Variants in PTBP3 observed in about 807,000 individuals in gnomAD.
The protein encoded by PTBP3 is polypyrimidine tract-binding protein 3.
A neutral mutation model predicts 58.7 loss-of-function variants in PTBP3; 20 were observed. The ratio of observed to expected loss-of-function variants is 0.34; its 90% CI spans 0.24 to 0.50. PTBP3 has a LOEUF of 0.50. Among genes scored for constraint, PTBP3 ranks in the 20% least tolerant of loss-of-function variants. PTBP3 has a pLI of 0.98. For synonymous variants in PTBP3, 185 were observed against 219.8 expected (o/e 0.84, Z 1.40); for missense variants, 509 against 637.2 (o/e 0.80, Z 2.17).
In PTBP3 at chr9:112,227,522, C is replaced by A; in HGVS notation, c.1253G>T (p.Gly418Val). ...ACTATTGCTGAAATCCTTAGTCAGACCTTGGTCTTCTTGTCCCTCTCGAGG... is the reference window on the plus strand; with the variant it reads ...ACTATTGCTGAAATCCTTAGTCAGAACTTGGTCTTCTTGTCCCTCTCGAGG... ...QLPREGQEDQ[G>V]LTKDFSNSPL... The change falls in exon 12 of 14, where the codon GGT becomes GTT. Residue 418 changes from glycine to valine, a missense_variant. By Grantham distance (109) the Gly-to-Val change is moderately radical (BLOSUM62 -3). Transcript: ENST00000374257. 1 of 1,613,928 alleles carries A rather than the reference C, an allele frequency of 6.2e-7. No homozygotes were observed. The highest frequency in any genetic ancestry group is 8.5e-7 in the Non-Finnish European group (1 of 1,179,920).
chr9:112,232,444 GCTCTATTATCCACACAGTA>G (rs1358582802), intron 8 of PTBP3, among the ~76,000 whole-genome samples: 1 of 152,120 alleles, frequency 6.6e-6, no homozygotes, highest in East Asian at 1.9e-4. Flanking sequence ...TATACTTAGT[GCTCTATTATCCACACAGTA>G]CTCTGCAGAG....
In PTBP3 at chr9:112,320,287, A is replaced by ATATAT. The variant is rs1222194244; in HGVS notation, c.-52+13182_-52+13183insATATA. Among the ~76,000 whole-genome samples the ATATAT allele has an allele frequency of 1.8e-4, 7 of 39,526 alleles. No individual in the cohort carries two copies. The African/African-American group carries it at 1.9e-3, about 11-fold the overall frequency. The allele number at this position is 39,526 out of a possible 152,430, so 25.9% of individuals were successfully genotyped here. On this transcript the variant is annotated intron_variant, in intron 1 of 13. Transcript: ENST00000374257. ...GACGAGACCCTTTCTCTTAAAAAAA[A>ATATAT]AAAAATATATATATATATATATATA...
chr9:112,300,475 G>A lies in PTBP3; in HGVS notation c.-51-2559C>T, dbSNP rs146021117. On this transcript the variant is annotated intron_variant, in intron 1 of 13. Transcript: ENST00000374257. The stretch of plus-strand genomic sequence containing the variant: ...CAAACCTAAAACGTCAGTCACGGCC[G>A]GGCGTGGTGGCTCACGCCTGTAATC... Among the ~76,000 whole-genome samples, 406 of 152,258 alleles carry A rather than the reference G, an allele frequency of 2.7e-3. 4 individuals are homozygous for A. The highest frequency in any genetic ancestry group is 9.5e-3 in the African/African-American group (393 of 41,540).
chr9:112,226,724 T>C (rs1271975873), intron 12 of PTBP3, among the ~76,000 whole-genome samples: 1 of 152,238 alleles, frequency 6.6e-6, no homozygotes, highest in Non-Finnish European at 1.5e-5. Context: ...CGTAAGTGAA[T>C]GGGTACAGCT....
chr9:112,262,773 C>A (rs1334044360), intron 4 of PTBP3, among the ~76,000 whole-genome samples, 174 bp from the exon 5 acceptor site: 1 of 152,166 alleles, frequency 6.6e-6, no homozygotes, highest in African/African-American at 2.4e-5. Context: ...CAAACACCTC[C>A]CTGCATACCA....
the PTBP3 span, among the ~76,000 whole-genome samples, chr9:112,339,745 G>A: frequency 0.011 from 1,700 of 151,444 alleles, 32 homozygotes; most frequent in African/African-American, 0.039. Flanking sequence ...TGTATTTTTG[G>A]TAGAAATGGG....
At chr9:112,332,993 G>C in intron 1 of PTBP3, 1 of 1,296,674 alleles carries the variant, frequency 7.7e-7, no homozygotes, top group African/African-American at 1.5e-5. Flanking sequence ...GTGTACCGAC[G>C]CGTGCACCCG....
At position 112,240,298 on chromosome 9, in the gene PTBP3, A is replaced by G. The variant is rs142162871; in HGVS notation, c.803-5401T>C. The stretch of plus-strand genomic sequence containing the variant: ...TACATGTGTATGTACTATATTATGT[A>G]TATCTATCTATGTACAATGTGATGA... On this transcript the variant is annotated intron_variant, in intron 7 of 13. Coordinates refer to ENST00000374257, the MANE Select transcript of PTBP3 (RefSeq NM_001163788.4). Among the ~76,000 whole-genome samples the G allele has an allele frequency of 4.8e-4, 73 of 152,300 alleles. 1 individual carries two copies. In the East Asian group the frequency reaches 0.013, roughly 28 times the overall value.
intron 1 of PTBP3, among the ~76,000 whole-genome samples, chr9:112,331,081 GAA>G (rs1491547431): frequency 2.9e-5 from 2 of 67,914 alleles, no homozygotes; most frequent in Middle Eastern, 7.6e-3. Flanking sequence ...AGGAGGAAAC[GAA>G]CACACACACA....
At chr9:112,269,538 G>A (rs1827278434) in intron 3 of PTBP3, among the ~76,000 whole-genome samples, 1 of 152,158 alleles carries the variant, frequency 6.6e-6, no homozygotes, top group South Asian at 2.1e-4. Context: ...ATGGTAGAAA[G>A]GGAACTTGAT....
rs545754771 is a variant in PTBP3 at position 112,301,306 on chromosome 9, A to G, written c.-51-3390T>C. Among the ~76,000 whole-genome samples the G allele has an allele frequency of 2.1e-5, 3 of 146,250 alleles. No individual in the cohort carries two copies. The South Asian group carries it at 6.7e-4, about 33-fold the overall frequency. ...AAGGAAAAATTAAGACCATGATACTACCACTTAACTATCAGAACACCTAAA... is the reference window on the plus strand; with the variant it reads ...AAGGAAAAATTAAGACCATGATACTGCCACTTAACTATCAGAACACCTAAA... On this transcript the variant is annotated intron_variant, in intron 1 of 13. Coordinates refer to ENST00000374257, the MANE Select transcript of PTBP3 (RefSeq NM_001163788.4).
At chr9:112,309,384 T>G (rs1829375352) in intron 1 of PTBP3, among the ~76,000 whole-genome samples, 2 of 152,220 alleles carry the variant, frequency 1.3e-5, no homozygotes, top group Non-Finnish European at 2.9e-5. Context: ...CTATACCATA[T>G]GCATGTATTG....
At chr9:112,352,296 G>A in the PTBP3 span, among the ~76,000 whole-genome samples, 1 of 152,052 alleles carries the variant, frequency 6.6e-6, no homozygotes, top group South Asian at 2.1e-4. Flanking sequence ...TGGAATTAAG[G>A]TTTTACAGTT....
At position 112,222,451 on chromosome 9, in the gene PTBP3, C is replaced by A; in HGVS notation, c.*1400G>T. ...TGAGGACTGAGAAAAACCAAGTAATCCTGAGACAAATTCTGATGGGTGAAA... is the reference window on the plus strand; with the variant it reads ...TGAGGACTGAGAAAAACCAAGTAATACTGAGACAAATTCTGATGGGTGAAA... On this transcript the variant is annotated 3_prime_UTR_variant, in exon 14 of 14. Coordinates refer to ENST00000374257, the MANE Select transcript of PTBP3 (RefSeq NM_001163788.4). 3 of 985,476 alleles carry A rather than the reference C, an allele frequency of 3.0e-6. No homozygotes were observed. In the South Asian group the frequency reaches 1.4e-4, roughly 46 times the overall value. 61.0% of individuals were successfully genotyped at this position (985,476 alleles called of 1,614,324 possible). A position where few individuals can be genotyped will look rare whatever the true frequency, so the allele number is the denominator to read the frequency against.
intron 1 of PTBP3, among the ~76,000 whole-genome samples, chr9:112,318,444 G>T (rs558110423): frequency 6.6e-6 from 1 of 152,268 alleles, no homozygotes; most frequent in African/African-American, 2.4e-5. Context: ...AAACAACATT[G>T]AAAGAAATTA....
Position 112,333,596 on chromosome 9 carries a change from G to C in PTBP3, c.-178C>G, listed in dbSNP as rs557330406. 3 of 1,285,002 alleles carry C rather than the reference G, an allele frequency of 2.3e-6. No homozygotes were observed. Among genetic ancestry groups the C allele is most frequent in the East Asian group, 5.4e-5 (2 of 37,184 alleles). The allele number at this position is 1,285,002 out of a possible 1,614,324, so 79.6% of individuals were successfully genotyped here. ...CGAGCTTTGGCTCTGCGGAGCCCCG[G>C]CCGGTCCGAGGTGGAAGGAGAGTGG... On this transcript the variant is annotated 5_prime_UTR_variant, in exon 1 of 14. Coordinates refer to ENST00000374257, the MANE Select transcript of PTBP3 (RefSeq NM_001163788.4).
At position 112,316,897 on chromosome 9, in the gene PTBP3, G is replaced by A. The variant is rs188053874; in HGVS notation, c.-52+16573C>T. On this transcript the variant is annotated intron_variant, in intron 1 of 13. Coordinates refer to ENST00000374257, the MANE Select transcript of PTBP3 (RefSeq NM_001163788.4). ...TGAGGCAGGAAAATCGCTTGAACCC[G>A]GAAGGCAGAGGCTGCAGTGAGCTGA... 2.5e-3 allele frequency among the ~76,000 whole-genome samples: 377 copies of A among 151,942 alleles called. 3 individuals are homozygous for A. Among genetic ancestry groups the A allele is most frequent in the African/African-American group, 8.8e-3 (366 of 41,432 alleles).
At chr9:112,300,134 G>A (rs1436313873) in intron 1 of PTBP3, among the ~76,000 whole-genome samples, 1 of 152,120 alleles carries the variant, frequency 6.6e-6, no homozygotes, top group Non-Finnish European at 1.5e-5. Context: ...TCTTATATGG[G>A]AGTTAAGTAT....
At chr9:112,228,628 T>C (rs1222913587) in intron 10 of PTBP3, among the ~76,000 whole-genome samples, 156 bp from the exon 11 acceptor site, 1 of 152,224 alleles carries the variant, frequency 6.6e-6, no homozygotes, top group Non-Finnish European at 1.5e-5. Flanking sequence ...TCCAGATCTA[T>C]TCATGTACTT....
Sources: allele counts gnomAD v4.1 joint callset (sites outside exome capture counted in the v4.1 genomes callset), GRCh38; gene constraint gnomAD v4.1.1; transcripts MANE v1.5; gene names NCBI Gene and HGNC (gene_info 2026-07-23, HGNC 2026-07-21).